MSL2: variants seen among roughly 807,000 people sequenced by gnomAD.
MSL2 encodes MSL complex subunit 2.
A neutral mutation model predicts 35.8 loss-of-function variants in MSL2; 2 were observed. That is an observed-to-expected ratio of 0.06 (90% CI 0.02 to 0.18). The LOEUF (loss-of-function observed/expected upper bound fraction) is 0.18, where lower values mean the gene tolerates loss of function less well. Ranked by LOEUF, MSL2 falls within the 10% of genes least tolerant of loss-of-function variation. MSL2 has a pLI of 1.00. For synonymous variants in MSL2, 296 were observed against 255.7 expected (o/e 1.16, Z -1.50); for missense variants, 523 against 706.7 (o/e 0.74, Z 2.95).
At chr3:136,184,750 A>AGGGGGGGGGG (rs5852838) in intron 1 of MSL2, among the ~76,000 whole-genome samples, 1 of 74,634 alleles carries the variant, frequency 1.3e-5, no homozygotes, top group African/African-American at 6.4e-5. Flanking sequence ...AAAAAAAAAA[A>AGGGGGGGGGG]GGGGGGGGGG....
Position 136,151,132 on chromosome 3 carries a change from A to G in MSL2, c.*15T>C, listed in dbSNP as rs1379538934. On this transcript the variant is annotated 3_prime_UTR_variant, in exon 2 of 2. Transcript: ENST00000309993. The surrounding 1 kb of genome is among the most constrained non-coding windows in gnomAD (Gnocchi z 5.2). ...CTATTTCCCTACCAGGAGTAGGTTTAAAAGACCCACTGATTTAACAGTCGA... is the reference window on the plus strand; with the variant it reads ...CTATTTCCCTACCAGGAGTAGGTTTGAAAGACCCACTGATTTAACAGTCGA... The G allele has an allele frequency of 1.2e-6, 2 of 1,603,290 alleles. No individual in the cohort carries two copies. Among genetic ancestry groups the G allele is most frequent in the African/African-American group, 2.7e-5 (2 of 74,742 alleles).
chr3:136,171,465 C>G (rs553831979), intron 1 of MSL2, among the ~76,000 whole-genome samples: 36 of 152,290 alleles, frequency 2.4e-4, no homozygotes, highest in Non-Finnish European at 3.8e-4. Flanking sequence ...AGCATGTGAC[C>G]ATGAATGAGT....
chr3:136,161,183 G>C (rs981874690), intron 1 of MSL2, among the ~76,000 whole-genome samples: 2 of 152,164 alleles, frequency 1.3e-5, no homozygotes, highest in African/African-American at 2.4e-5. Context: ...CCACCCATTA[G>C]AATGGCTAAA....
Position 136,151,887 on chromosome 3 carries a change from T to C in MSL2, c.994A>G (p.Thr332Ala). The C allele has an allele frequency of 6.2e-7, 1 of 1,614,132 alleles. No homozygotes were observed. Among genetic ancestry groups the C allele is most frequent in the Non-Finnish European group, 8.5e-7 (1 of 1,180,032 alleles). ...CTATTCAATTTTGCTATCTTCGGAG[T>C]TGCTGCTGTACATGATAACCCATGA... is the stretch of plus-strand genomic sequence containing the variant. ...ALHGLSCTAATPKIAKLNRKR... is the reference protein window; with the variant it reads ...ALHGLSCTAAAPKIAKLNRKR... The change falls in exon 2 of 2, where the codon ACT becomes GCT. Residue 332 changes from threonine to alanine, a missense_variant. This residue lies in a region of MSL2 where 361 missense variants were observed against 414.6 expected (regional missense o/e 0.87). Coordinates refer to ENST00000309993, the MANE Select transcript of MSL2 (RefSeq NM_018133.4). This position sits in a 1 kb window ranked among gnomAD's most constrained non-coding sequence, Gnocchi z 5.2.
At chr3:136,173,285 A>G (rs545843552) in intron 1 of MSL2, among the ~76,000 whole-genome samples, 1 of 152,258 alleles carries the variant, frequency 6.6e-6, no homozygotes, top group South Asian at 2.1e-4. Context: ...CTCCAACTCA[A>G]ATCTTTCTCC....
intron 1 of MSL2, chr3:136,194,695 T>TA (rs1412137883): frequency 7.3e-6 from 3 of 410,748 alleles, no homozygotes; most frequent in Non-Finnish European, 1.3e-5. Flanking sequence ...GCATGCATCT[T>TA]ACCCCCACTT....
chr3:136,185,222 A>C (rs905281083), intron 1 of MSL2, among the ~76,000 whole-genome samples: 1 of 151,484 alleles, frequency 6.6e-6, no homozygotes, highest in Non-Finnish European at 1.5e-5. Flanking sequence ...AGGATCCGCC[A>C]GCCCTAGCCT....
intron 1 of MSL2, among the ~76,000 whole-genome samples, chr3:136,180,124 TA>T (rs1940298299): frequency 6.6e-6 from 1 of 152,144 alleles, no homozygotes; most frequent in Non-Finnish European, 1.5e-5. Context: ...TCATGAATGT[TA>T]AAAATGTAGG....
intron 1 of MSL2, among the ~76,000 whole-genome samples, chr3:136,181,007 AT>A (rs1940341847): frequency 6.6e-6 from 1 of 150,464 alleles, no homozygotes; most frequent in South Asian, 2.1e-4. Flanking sequence ...AAAAAAAAAA[AT>A]CAGGCATGGT....
At chr3:136,168,424 C>G (rs146020562) in intron 1 of MSL2, among the ~76,000 whole-genome samples, 1,624 of 152,168 alleles carry the variant, frequency 0.011, 30 homozygotes, top group African/African-American at 0.037. Context: ...TGGAATACTA[C>G]GCAGCCATAA....
chr3:136,159,316 G>C (rs1485254197), intron 1 of MSL2, among the ~76,000 whole-genome samples: 1 of 150,792 alleles, frequency 6.6e-6, no homozygotes, highest in African/African-American at 2.4e-5. Context: ...TGTGCGACAG[G>C]GTATCCAGAT....
At chr3:136,179,342 A>G (rs1940272699) in intron 1 of MSL2, among the ~76,000 whole-genome samples, 1 of 151,988 alleles carries the variant, frequency 6.6e-6, no homozygotes, top group African/African-American at 2.4e-5. Context: ...AGGGACCACC[A>G]TCCTTAATGT....
chr3:136,194,390 C>G, intron 1 of MSL2: 1 of 984,692 alleles, frequency 1.0e-6, no homozygotes, highest in Non-Finnish European at 1.2e-6. Flanking sequence ...AAGTAAAAGT[C>G]TCACCAGCTA....
At chr3:136,166,021 C>A (rs1360011795) in intron 1 of MSL2, among the ~76,000 whole-genome samples, 2 of 134,236 alleles carry the variant, frequency 1.5e-5, no homozygotes, top group South Asian at 4.6e-4. Flanking sequence ...CTACTATGTA[C>A]CCATAAAAAT....
chr3:136,156,744 ACTCG>A (rs1202821794), intron 1 of MSL2, among the ~76,000 whole-genome samples: 1 of 152,090 alleles, frequency 6.6e-6, no homozygotes, highest in Non-Finnish European at 1.5e-5. Flanking sequence ...AGTCCCAGCT[ACTCG>A]GGAGGCTGAG....
intron 1 of MSL2, chr3:136,156,062 T>C (rs1450461251): frequency 7.8e-6 from 2 of 254,870 alleles, no homozygotes; most frequent in Non-Finnish European, 1.6e-5. Flanking sequence ...CCCAAAAAAC[T>C]ACCTTTTTCA....
chr3:136,189,172 C>T (rs375157176), intron 1 of MSL2, among the ~76,000 whole-genome samples: 1 of 138,406 alleles, frequency 7.2e-6, no homozygotes, highest in Non-Finnish European at 1.5e-5. Flanking sequence ...TGGTACCGCA[C>T]GCCTACAGTC....
intron 1 of MSL2, among the ~76,000 whole-genome samples, chr3:136,192,830 C>T (rs187774422): frequency 3.3e-5 from 5 of 152,152 alleles, no homozygotes; most frequent in African/African-American, 1.2e-4. Flanking sequence ...TGCACTAATG[C>T]TTTTCAGCTA....
At chr3:136,175,656 C>G (rs1414894114) in intron 1 of MSL2, among the ~76,000 whole-genome samples, 1 of 149,864 alleles carries the variant, frequency 6.7e-6, no homozygotes, top group Admixed American at 6.8e-5. Context: ...TCACTGCACC[C>G]TAGCCTGCGT....
Sources: gnomAD v4.1 joint callset for allele counts (sites outside exome capture counted in the v4.1 genomes callset) on GRCh38, gnomAD v4.1.1 for gene constraint, gnomAD v4.1.1 regional missense constraint, Gnocchi (gnomAD v3.1) non-coding constraint, MANE v1.5 for transcripts, NCBI Gene and HGNC (gene_info 2026-07-23, HGNC 2026-07-21) for gene names.